ALOX12B: variants seen among roughly 807,000 people sequenced by gnomAD.
ALOX12B encodes the protein arachidonate 12-lipoxygenase, 12R type.
Under a neutral mutation model 78.9 loss-of-function variants are expected in ALOX12B, and 47 were observed. The observed-to-expected ratio is 0.60, with a 90% CI of 0.47 to 0.76. ALOX12B has a LOEUF of 0.76. ALOX12B is among the 30% of genes least tolerant of loss of function. The pLI, the probability that ALOX12B is intolerant of heterozygous loss-of-function variation, is 0.00. For missense variants in ALOX12B, 805 were observed against 922.6 expected, an observed-to-expected ratio of 0.87 and a Z score of 1.65; for synonymous variants, 370 against 374.5, an observed-to-expected ratio of 0.99 and a Z score of 0.14.
chr17:8,086,159 T>G lies in ALOX12B; in HGVS notation c.209A>C (p.His70Pro), dbSNP rs1978297441. Residue 70 changes from histidine (H) to proline (P), a missense_variant, in exon 2 of 15, where the codon CAC (histidine) becomes CCC (proline). Transcript: ENST00000647874. Reference protein sequence around the residue: ...DLGELIIIRLHKERYAFFPKD... With the variant: ...DLGELIIIRLPKERYAFFPKD... ...GGGGAAGAAGGCGTACCGCTCTTTG[T>G]GCAGGCGGATGATGATGAGCTCACC... The G allele has an allele frequency of 6.2e-6, 10 of 1,614,048 alleles. No homozygotes were observed. Among genetic ancestry groups the G allele is most frequent in the Non-Finnish European group, 8.5e-6 (10 of 1,180,022 alleles).
rs765318807 is a variant in ALOX12B, at chr17:8,080,542, C to A, written c.650+116G>T. ...GGTTTTCTGGGTCTGCGTTTCAGCT[C>A]CCTCTGCCTTCCTGGCCATTCCAAC... is the stretch of plus-strand genomic sequence containing the variant. On this transcript the variant is annotated intron_variant, in intron 5 of 14. Transcript: ENST00000647874. This position sits in a 1 kb window ranked among gnomAD's most constrained non-coding sequence, Gnocchi z 4.8. 1 of 1,537,438 alleles carries A rather than the reference C, an allele frequency of 6.5e-7. No individual in the cohort carries two copies. The highest frequency in any genetic ancestry group is 8.9e-7 in the Non-Finnish European group (1 of 1,120,724).
Position 8,073,674 on chromosome 17 carries a change from C to A in ALOX12B, c.1738G>T (p.Ala580Ser). The A allele has an allele frequency of 6.2e-7, 1 of 1,614,154 alleles. No homozygotes were observed. Among genetic ancestry groups the A allele is most frequent in the Non-Finnish European group, 8.5e-7 (1 of 1,179,980 alleles). ...VIYTCSAKHA[A>S]VNTGQMEFTA... The stretch of plus-strand genomic sequence containing the variant: ...ACCGGTACCTGGCCTGTGTTGACAG[C>A]AGCGTGCTTGGCAGAGCAGGTGTAG... The change falls in exon 13 of 15, where the codon GCT (alanine) becomes TCT (serine). Residue 580 changes from alanine to serine, a missense_variant. Ala to Ser is a moderately conservative substitution (Grantham distance 99). Coordinates refer to ENST00000647874, the MANE Select transcript of ALOX12B (RefSeq NM_001139.3).
chr17:8,076,360 C>A lies in ALOX12B; in HGVS notation c.1363-16G>T, dbSNP rs1224737731. 3 of 1,585,914 alleles carry A rather than the reference C, an allele frequency of 1.9e-6. No homozygotes were observed. The Admixed American group carries it at 5.4e-5, about 29-fold the overall frequency. On this transcript the variant is annotated splice_polypyrimidine_tract_variant and intron_variant, in intron 10 of 14. Transcript: ENST00000647874. ...GGGACATGCCCTGTGAGGAAGGAGG[C>A]AGATCCTGGAGCCGGACAGGCATCC...
chr17:8,084,122 C>T (rs1035821184), intron 2 of ALOX12B, among the ~76,000 whole-genome samples: 2 of 151,750 alleles, frequency 1.3e-5, no homozygotes, highest in African/African-American at 4.8e-5. Context: ...TGCGCCACTG[C>T]ACTCCAGGGC....
rs558690816 is a variant in ALOX12B, at chr17:8,072,652, GTTT to G, written c.*116_*118del. The stretch of plus-strand genomic sequence containing the variant: ...AGACCCAGGGAAAGGAAGGTTTTTT[GTTT>G]TTTTGTTTGTTTGGTGTTTTGGTCT... On this transcript the variant is annotated 3_prime_UTR_variant, in exon 15 of 15. Transcript: ENST00000647874. 1.4e-6 allele frequency: 2 copies of G among 1,438,250 alleles called. No homozygotes were observed. The highest frequency in any genetic ancestry group is 1.8e-5 in the Admixed American group (1 of 54,746). The allele number at this position is 1,438,250 out of a possible 1,614,324, so 89.1% of individuals were successfully genotyped here.
intron 11 of ALOX12B, 83 bp downstream of exon 11, chr17:8,076,092 C>G: frequency 1.9e-6 from 3 of 1,574,950 alleles, no homozygotes; most frequent in Non-Finnish European, 2.6e-6. Context: ...GACCCACACT[C>G]AGTTCTCTAG....
chr17:8,078,894 C>CTTTTT (rs398030274), intron 8 of ALOX12B, among the ~76,000 whole-genome samples: 1 of 115,292 alleles, frequency 8.7e-6, no homozygotes, highest in Non-Finnish European at 1.8e-5. Flanking sequence ...AATACTGGGA[C>CTTTTT]TTTTTTTTTT....
At position 8,072,894 on chromosome 17, in the gene ALOX12B, G is replaced by C; in HGVS notation, c.1983C>G (p.Ser661Arg). Residue 661 changes from serine (S) to arginine (R), a missense_variant, in exon 15 of 15, where the codon AGC becomes AGG. Transcript: ENST00000647874. The stretch of plus-strand genomic sequence containing the variant: ...TCAGGCGCTGGCGGAACGCCTCTAT[G>C]CTCCTCCGCGGGGCCTCCTCCACGA... ...IHFVEEAPRR[S>R]IEAFRQRLNQ... The C allele has an allele frequency of 1.9e-6, 3 of 1,614,152 alleles. No homozygotes were observed. In the East Asian group the frequency reaches 6.7e-5, roughly 36 times the overall value.
At chr17:8,083,715 C>A (rs529599050) in intron 2 of ALOX12B, among the ~76,000 whole-genome samples, 1 of 149,684 alleles carries the variant, frequency 6.7e-6, no homozygotes, top group Non-Finnish European at 1.5e-5. Flanking sequence ...GGTGACGAAG[C>A]GAGACTCTGT....
intron 9 of ALOX12B, 74 bp downstream of exon 9, chr17:8,076,916 G>T: frequency 6.6e-7 from 1 of 1,520,262 alleles, no homozygotes; most frequent in Non-Finnish European, 9.0e-7. Context: ...TGACTGCTCA[G>T]TGGGCCTGGG....
Position 8,076,228 on chromosome 17 carries a change from C to T in ALOX12B, c.1479G>A (p.Leu493=). ...TGTCATCGCGGTAGTAATATCCAGG[C>T]AGGTCCTGGACCCCACGCTCCACAA... is the stretch of plus-strand genomic sequence containing the variant. The part of the protein sequence containing the change: ...NDFVERGVQD[L]PGYYYRDDSL... Residue 493 remains leucine (L), a synonymous_variant, in exon 11 of 15, where the codon CTG becomes CTA. Coordinates refer to ENST00000647874, the MANE Select transcript of ALOX12B (RefSeq NM_001139.3). 6.2e-7 allele frequency: 1 copy of T among 1,614,160 alleles called. No individual in the cohort carries two copies. Among genetic ancestry groups the T allele is most frequent in the Non-Finnish European group, 8.5e-7 (1 of 1,180,016 alleles).
Position 8,079,826 on chromosome 17 carries a change from T to A in ALOX12B, c.870A>T (p.Thr290=). The change falls in exon 7 of 15, where the codon ACA becomes ACT. Residue 290 remains threonine, a synonymous_variant. Transcript: ENST00000647874. The surrounding 1 kb of genome is among the most constrained non-coding windows in gnomAD (Gnocchi z 6.4). ...CTRIPDKFPV[T]DDMVAPFLGE... Reference sequence around the variant, plus strand: ...CCAGGAACGGAGCCACCATGTCGTCTGTGACGGGGAACTTGTCTGGGATCC... The same window carrying A: ...CCAGGAACGGAGCCACCATGTCGTCAGTGACGGGGAACTTGTCTGGGATCC... 1 of 1,613,540 alleles carries A rather than the reference T, an allele frequency of 6.2e-7. No homozygotes were observed. Among genetic ancestry groups the A allele is most frequent in the Non-Finnish European group, 8.5e-7 (1 of 1,179,950 alleles).
At chr17:8,077,993 G>A (rs1480869010) in intron 8 of ALOX12B, among the ~76,000 whole-genome samples, 13 of 152,140 alleles carry the variant, frequency 8.5e-5, no homozygotes, top group Admixed American at 3.9e-4. Flanking sequence ...TCTACTGAAC[G>A]TGTACAGACT....
In ALOX12B at chr17:8,077,191, G is replaced by T; in HGVS notation, c.1074C>A (p.Leu358=). The change falls in exon 9 of 15, where the codon CTC becomes CTA. Residue 358 remains leucine, a splice_region_variant and synonymous_variant. Transcript: ENST00000647874. ...GGCAATCTGGCCCAGGGGTCTGGCTGAGCTAGGTGTGGTGAAAGAGAAAGG... is the reference window on the plus strand; with the variant it reads ...GGCAATCTGGCCCAGGGGTCTGGCTTAGCTAGGTGTGGTGAAAGAGAAAGG... The part of the protein sequence containing the change: ...EGKMMPIAIQ[L]SQTPGPDCPI... 1 of 1,610,368 alleles carries T rather than the reference G, an allele frequency of 6.2e-7. No homozygotes were observed. The highest frequency in any genetic ancestry group is 1.3e-5 in the African/African-American group (1 of 74,938).
chr17:8,079,867 T>TC lies in ALOX12B; in HGVS notation c.828dup (p.Ile277AspfsTer97), dbSNP rs1567982851. On this transcript the variant is annotated frameshift_variant, in exon 7 of 15. Coordinates refer to ENST00000647874, the MANE Select transcript of ALOX12B (RefSeq NM_001139.3). LOFTEE classifies it high-confidence loss of function. The surrounding 1 kb of genome is among the most constrained non-coding windows in gnomAD (Gnocchi z 6.4). ...TCTGGGATCCGCGTGCAGCGGCGGA[T>TC]CAGGCCGGGGTTGACGCCGTTGAGG... 6.2e-7 allele frequency: 1 copy of TC among 1,613,430 alleles called. No homozygotes were observed. The highest frequency in any genetic ancestry group is 8.5e-7 in the Non-Finnish European group (1 of 1,179,932).
chr17:8,076,689 C>A lies in ALOX12B; in HGVS notation c.1330G>T (p.Val444Phe). The A allele has an allele frequency of 6.4e-7, 1 of 1,551,360 alleles. No individual in the cohort carries two copies. The highest frequency in any genetic ancestry group is 8.7e-7 in the Non-Finnish European group (1 of 1,147,102). ...TVQINSIGRA[V>F]LLNEGGLSAK... The stretch of plus-strand genomic sequence containing the variant: ...GAGAGCCCCCCCTCATTGAGGAGAA[C>A]GGCCCGGCCAATGCTGTTGATCTGG... Residue 444 changes from valine (V) to phenylalanine (F), a missense_variant, in exon 10 of 15, where the codon GTT becomes TTT. Transcript: ENST00000647874.
intron 2 of ALOX12B, among the ~76,000 whole-genome samples, chr17:8,084,894 G>A (rs1451166513): frequency 6.6e-6 from 1 of 152,156 alleles, no homozygotes; most frequent in Non-Finnish European, 1.5e-5. Flanking sequence ...GCTGACCCCA[G>A]CCCACCACAC....
At position 8,080,152 on chromosome 17, in the gene ALOX12B, A is replaced by G. The variant is rs746261782; in HGVS notation, c.754+83T>C. Reference sequence around the variant, plus strand: ...CGCGCCTCGCTGCCTCTCCCGTCCCACTGCCCCGAAGTCGGGGGCCTGCCT... The same window carrying G: ...CGCGCCTCGCTGCCTCTCCCGTCCCGCTGCCCCGAAGTCGGGGGCCTGCCT... On this transcript the variant is annotated intron_variant, in intron 6 of 14. Coordinates refer to ENST00000647874, the MANE Select transcript of ALOX12B (RefSeq NM_001139.3). The surrounding 1 kb of genome is among the most constrained non-coding windows in gnomAD (Gnocchi z 4.8). 2 of 1,526,690 alleles carry G rather than the reference A, an allele frequency of 1.3e-6. No individual in the cohort carries two copies. Among genetic ancestry groups the G allele is most frequent in the African/African-American group, 2.7e-5 (2 of 73,066 alleles). The allele number at this position is 1,526,690 out of a possible 1,614,324, so 94.6% of individuals were successfully genotyped here. A position where few individuals can be genotyped will look rare whatever the true frequency, so the allele number is the denominator to read the frequency against.
At chr17:8,077,215 G>C in intron 8 of ALOX12B, 22 bp from the exon 9 acceptor site, 1 of 1,597,904 alleles carries the variant, frequency 6.3e-7, no homozygotes, top group Non-Finnish European at 8.5e-7. Flanking sequence ...GAAAGAGAAA[G>C]GGTTGGGTGA....
Sources: allele counts gnomAD v4.1 joint callset (sites outside exome capture counted in the v4.1 genomes callset), GRCh38; gene constraint gnomAD v4.1.1; non-coding constraint Gnocchi (gnomAD v3.1); transcripts MANE v1.5; gene names NCBI Gene and HGNC (gene_info 2026-07-23, HGNC 2026-07-21).